Variants in SPG11 observed in about 807,000 individuals in gnomAD.
The protein encoded by SPG11 is spatacsin.
In SPG11, 222 loss-of-function variants were observed where a neutral mutation model predicts 274.0. The observed-to-expected ratio is 0.81, with a 90% confidence interval of 0.73 to 0.91. The LOEUF (loss-of-function observed/expected upper bound fraction) is 0.91. Among genes scored for constraint, SPG11 ranks in the 40% least tolerant of loss-of-function variants. The probability of loss-of-function intolerance (pLI) is 0.00; values close to 1 mark genes in which losing one functional copy is unlikely to be tolerated. For missense variants in SPG11, 3,114 were observed against 2,872.7 expected, an observed-to-expected ratio of 1.08 and a Z score of -1.92; for synonymous variants, 1,144 against 1,039.7, an observed-to-expected ratio of 1.10 and a Z score of -1.93.
chr15:44,634,147 G>C (rs1184468952), intron 7 of SPG11, among the ~76,000 whole-genome samples: 1 of 151,728 alleles, frequency 6.6e-6, no homozygotes. Flanking sequence ...CCCAATTTCT[G>C]CTTCAATAGA....
At chr15:44,628,902 CTGTTAT>C in intron 9 of SPG11, 58 bp from the exon 10 acceptor site, 1 of 1,491,832 alleles carries the variant, frequency 6.7e-7, no homozygotes, top group African/African-American at 1.4e-5. Flanking sequence ...AAACCATGAG[CTGTTAT>C]AAAGAATTCT....
chr15:44,654,921 A>G (rs2084894170), intron 4 of SPG11, among the ~76,000 whole-genome samples: 1 of 152,240 alleles, frequency 6.6e-6, no homozygotes, highest in Admixed American at 6.5e-5. Context: ...ATTCGAAGCC[A>G]AAGAAAATGT....
At chr15:44,617,771 G>C (rs1354264200) in intron 15 of SPG11, among the ~76,000 whole-genome samples, 1 of 152,078 alleles carries the variant, frequency 6.6e-6, no homozygotes, top group Middle Eastern at 3.2e-3. Context: ...CACCTCCTGA[G>C]TTCAAGTGAT....
At chr15:44,569,913 A>G (rs575415430) in intron 34 of SPG11, among the ~76,000 whole-genome samples, 274 of 152,164 alleles carry the variant, frequency 1.8e-3, no homozygotes, top group Middle Eastern at 6.8e-3. Flanking sequence ...TCACCATGTT[A>G]GTCAGGGTGG....
At position 44,663,584 on chromosome 15, in the gene SPG11, T is replaced by C. The variant is rs34255962; in HGVS notation, c.64A>G (p.Met22Val). The part of the protein sequence containing the change: ...SAGGSWGTAA[M>V]GRVLPMLLVP... ...AACAGCATCGGTAGAACCCGCCCCA[T>C]GGCCGCGGTGCCCCAGCTACCGCCG... The change falls in exon 1 of 40, where the codon ATG (methionine) becomes GTG (valine). Residue 22 changes from methionine to valine, a missense_variant. By Grantham distance (21) the Met-to-Val change is conservative. Transcript: ENST00000261866. 1,031 of 1,596,660 alleles carry C rather than the reference T, an allele frequency of 6.5e-4. 9 individuals carry two copies. In the African/African-American group the frequency reaches 0.012, roughly 19 times the overall value.
chr15:44,624,234 T>A (rs1025522069), intron 11 of SPG11, among the ~76,000 whole-genome samples: 21 of 151,122 alleles, frequency 1.4e-4, no homozygotes, highest in Admixed American at 5.3e-4. Context: ...ATGCCTATAA[T>A]CTCTGCACTT....
At chr15:44,603,782 C>T (rs1713326878) in intron 20 of SPG11, among the ~76,000 whole-genome samples, 1 of 152,146 alleles carries the variant, frequency 6.6e-6, no homozygotes, top group Admixed American at 6.5e-5. Context: ...TTAGATTACT[C>T]TAGATCACTT....
At chr15:44,660,078 A>T (rs1324071844) in intron 2 of SPG11, among the ~76,000 whole-genome samples, 1 of 152,122 alleles carries the variant, frequency 6.6e-6, no homozygotes, top group Admixed American at 6.5e-5. Flanking sequence ...AAATAAAATA[A>T]AAATAAATAA....
intron 21 of SPG11, 112 bp from the exon 22 acceptor site, chr15:44,598,948 G>GCCT (rs1265837626): frequency 2.8e-6 from 3 of 1,071,668 alleles, no homozygotes; most frequent in East Asian, 5.1e-5. Flanking sequence ...GTGATTTGTG[G>GCCT]CCTCCTCTCC....
At position 44,584,262 on chromosome 15, in the gene SPG11, G is replaced by A. The variant is rs1211876036; in HGVS notation, c.5418C>T (p.Ile1806=). ...GATTTCTTCCAAGAGTGTGCTGGGT[G>A]ATGCGGCACAGCCAGATCTGCTTCT... ...ELEKQIWLCR[I]TQHTLGRNQE... is the part of the protein sequence containing the mutation. Residue 1806 remains isoleucine (I), a synonymous_variant, in exon 30 of 40, where the codon ATC becomes ATT. Transcript: ENST00000261866. 1 of 1,614,076 alleles carries A rather than the reference G, an allele frequency of 6.2e-7. No individual in the cohort carries two copies. Among genetic ancestry groups the A allele is most frequent in the East Asian group, 2.2e-5 (1 of 44,864 alleles).
chr15:44,622,074 C>G, intron 13 of SPG11, 140 bp from the exon 14 acceptor site: 2 of 1,175,756 alleles, frequency 1.7e-6, no homozygotes, highest in South Asian at 1.4e-5. Context: ...AGAAAACTCT[C>G]GAGTCCCTTC....
In SPG11 at chr15:44,606,366, G is replaced by T. The variant is rs78573867; in HGVS notation, c.3454-275C>A. On this transcript the variant is annotated intron_variant, in intron 19 of 39. Coordinates refer to ENST00000261866, the MANE Select transcript of SPG11 (RefSeq NM_025137.4). ...AAAGGCTATACTCTTTTGGTAGAGG[G>T]AGCATCAACTATAAAGTAAAATGGG... Among the ~76,000 whole-genome samples the T allele has an allele frequency of 6.0e-3, 912 of 152,240 alleles. 27 individuals carry two copies. In the East Asian group the frequency reaches 0.088, roughly 15 times the overall value.
In SPG11 at chr15:44,564,706, G is replaced by A. The variant is rs886051177; in HGVS notation, c.7000-8C>T. 1.2e-6 allele frequency: 2 copies of A among 1,614,074 alleles called. No homozygotes were observed. The highest frequency in any genetic ancestry group is 1.7e-6 in the Non-Finnish European group (2 of 1,180,006). On this transcript the variant is annotated splice_polypyrimidine_tract_variant and splice_region_variant and intron_variant, in intron 38 of 39. Coordinates refer to ENST00000261866, the MANE Select transcript of SPG11 (RefSeq NM_025137.4). ...CTCAGCCACAATAGAAGCCTTAAAAGGAGAGGTGAAGAAGGACACCATCAG... is the reference window on the plus strand; with the variant it reads ...CTCAGCCACAATAGAAGCCTTAAAAAGAGAGGTGAAGAAGGACACCATCAG...
intron 30 of SPG11, 83 bp from the exon 31 acceptor site, chr15:44,575,124 T>A: frequency 1.3e-6 from 2 of 1,560,248 alleles, no homozygotes; most frequent in Non-Finnish European, 1.7e-6. Flanking sequence ...ACCTCTCTGC[T>A]TGAAGCTCCC....
rs758004741 is a variant in SPG11 at position 44,596,284 on chromosome 15, G to A, written c.4233C>T (p.Pro1411=). ...DHLRLAFENL[P]SVPTSKMDSD... Reference sequence around the variant, plus strand: ...TGTCCATTTTGGAGGTGGGCACTGAGGGCAAGTTCTCAAAAGCCAGCCTTA... The same window carrying A: ...TGTCCATTTTGGAGGTGGGCACTGAAGGCAAGTTCTCAAAAGCCAGCCTTA... Residue 1411 remains proline, a synonymous_variant, in exon 25 of 40, where the codon CCC becomes CCT. Transcript: ENST00000261866. The A allele has an allele frequency of 2.6e-5, 42 of 1,614,016 alleles. No homozygotes were observed. The highest frequency in any genetic ancestry group is 3.5e-5 in the Non-Finnish European group (41 of 1,180,030).
intron 22 of SPG11, 126 bp downstream of exon 22, chr15:44,598,505 C>A: frequency 8.0e-7 from 1 of 1,251,940 alleles, no homozygotes; most frequent in Non-Finnish European, 1.2e-6. Flanking sequence ...ACAAAGAACA[C>A]ACACTCTGCA....
chr15:44,584,167 G>T lies in SPG11; in HGVS notation c.5513C>A (p.Ala1838Asp). 4 of 1,614,158 alleles carry T rather than the reference G, an allele frequency of 2.5e-6. No homozygotes were observed. Among genetic ancestry groups the T allele is most frequent in the Non-Finnish European group, 2.5e-6 (3 of 1,180,030 alleles). Residue 1838 changes from alanine (A) to aspartate (D), a missense_variant, in exon 30 of 40, where the codon GCC becomes GAC. By Grantham distance (126) the Ala-to-Asp change is moderately radical. Coordinates refer to ENST00000261866, the MANE Select transcript of SPG11 (RefSeq NM_025137.4). ...CAACTTGGAGAAGGAAAACTCACTG[G>T]CTAAACTATCAAAGGAAAGTTCACC... ...TSGELSFDSL[A>D]SEFSFSKLAA...
chr15:44,661,047 T>C (rs1366966768), intron 1 of SPG11, among the ~76,000 whole-genome samples: 1 of 152,224 alleles, frequency 6.6e-6, no homozygotes, highest in East Asian at 1.9e-4. Flanking sequence ...TATTTGTATT[T>C]ATAGACTGAC....
intron 4 of SPG11, among the ~76,000 whole-genome samples, chr15:44,655,145 T>C (rs1194693736): frequency 6.6e-6 from 1 of 152,136 alleles, no homozygotes; most frequent in Non-Finnish European, 1.5e-5. Flanking sequence ...AAGTGATCTC[T>C]TTAGCTGGCA....
Sources: allele counts gnomAD v4.1 joint callset (sites outside exome capture counted in the v4.1 genomes callset), GRCh38; gene constraint gnomAD v4.1.1; transcripts MANE v1.5; gene names NCBI Gene and HGNC (gene_info 2026-07-23, HGNC 2026-07-21).